Variants in N4BP2 observed in about 807,000 individuals in gnomAD.
N4BP2 encodes the protein NEDD4 binding protein 2, also known as NEDD4-binding protein 2.
In N4BP2, 91 loss-of-function variants were observed where a neutral mutation model predicts 152.8. The ratio of observed to expected loss-of-function variants is 0.60; its 90% CI spans 0.50 to 0.71. The LOEUF is 0.71. Ranked by LOEUF, N4BP2 falls within the 30% of genes least tolerant of loss-of-function variation. The pLI, the probability that N4BP2 is intolerant of heterozygous loss-of-function variation, is 0.00. For synonymous variants in N4BP2, 646 were observed against 705.3 expected, an observed-to-expected ratio of 0.92 and a Z score of 1.33; for missense variants, 1,923 against 2,059.1, an observed-to-expected ratio of 0.93 and a Z score of 1.28.
At chr4:40,096,669 G>A (rs1715133238) in intron 2 of N4BP2, among the ~76,000 whole-genome samples, 1 of 152,320 alleles carries the variant, frequency 6.6e-6, no homozygotes, top group Middle Eastern at 3.4e-3. Context: ...TCAGGCAAGA[G>A]GCTGTGGTAG....
In N4BP2 at chr4:40,121,140, A is replaced by G; in HGVS notation, c.3029A>G (p.Glu1010Gly). The G allele has an allele frequency of 1.2e-6, 2 of 1,614,166 alleles. No homozygotes were observed. The highest frequency in any genetic ancestry group is 1.7e-6 in the Non-Finnish European group (2 of 1,180,038). Residue 1010 changes from glutamate (E) to glycine (G), a missense_variant, in exon 9 of 18, where the codon GAA becomes GGA. By Grantham distance (98) the Glu-to-Gly change is moderately conservative (BLOSUM62 -2). Coordinates refer to ENST00000261435, the MANE Select transcript of N4BP2 (RefSeq NM_018177.6). ...ATGCCTAAGAGAGACCCTGGAAAAG[A>G]AGTAGGCATGTGCACCCAGACTGAA... is the stretch of plus-strand genomic sequence containing the variant. ...EQMPKRDPGK[E>G]VGMCTQTEPQ...
intron 3 of N4BP2, among the ~76,000 whole-genome samples, chr4:40,100,967 C>T (rs1262258080): frequency 6.6e-6 from 1 of 152,178 alleles, no homozygotes; most frequent in African/African-American, 2.4e-5. Context: ...TACAGGACTC[C>T]TCCCAATTTC....
chr4:40,129,092 C>G (rs533012383), intron 12 of N4BP2, among the ~76,000 whole-genome samples: 1 of 152,230 alleles, frequency 6.6e-6, no homozygotes, highest in African/African-American at 2.4e-5. Context: ...GGCTTTGTTA[C>G]AGGCTGGAGT....
At chr4:40,159,238 C>G (rs575693201), downstream of N4BP2, among the ~76,000 whole-genome samples, 8 of 152,318 alleles carry the variant, frequency 5.3e-5, no homozygotes, top group South Asian at 1.7e-3. Context: ...ACTGTTCTCT[C>G]CAGAGAGTTG....
chr4:40,181,107 G>C, the N4BP2 span, among the ~76,000 whole-genome samples: 2 of 152,136 alleles, frequency 1.3e-5, no homozygotes, highest in African/African-American at 4.8e-5. Flanking sequence ...CTGAGACCTC[G>C]CCATTGCACT....
Position 40,082,820 on chromosome 4 carries a change from C to T in N4BP2, c.-115+9269C>T, listed in dbSNP as rs999513138. Among the ~76,000 whole-genome samples, 3 of 152,140 alleles carry T rather than the reference C, an allele frequency of 2.0e-5. No homozygotes were observed. The East Asian group carries it at 5.8e-4, about 29-fold the overall frequency. On this transcript the variant is annotated intron_variant, in intron 2 of 17. Transcript: ENST00000261435. ...GGTTCACGCCATTCTCCTGCCTCAG[C>T]CTCCCGAGTAGCTGGGACTACAGGC...
At chr4:40,076,562 C>T (rs1712758584) in intron 2 of N4BP2, among the ~76,000 whole-genome samples, 1 of 152,072 alleles carries the variant, frequency 6.6e-6, no homozygotes, top group South Asian at 2.1e-4. Flanking sequence ...CATCTCGGCT[C>T]ACTGCAAGCT....
rs536370891 is a variant in N4BP2, at chr4:40,147,775, G to A, written c.5143+2975G>A. 9.5e-3 allele frequency among the ~76,000 whole-genome samples: 1,435 copies of A among 151,650 alleles called. 9 individuals are homozygous for A. The highest frequency in any genetic ancestry group is 0.016 in the Non-Finnish European group (1,075 of 67,844). On this transcript the variant is annotated intron_variant, in intron 16 of 17. Transcript: ENST00000261435. ...GAGGGGCTTCTCACTTCTCAGATGG[G>A]GCGGCTGCTGGGCGGAGGGGCTCCT...
chr4:40,121,560 T>C lies in N4BP2; in HGVS notation c.3449T>C (p.Ile1150Thr), dbSNP rs758248067. 1 of 1,614,148 alleles carries C rather than the reference T, an allele frequency of 6.2e-7. No individual in the cohort carries two copies. The highest frequency in any genetic ancestry group is 1.1e-5 in the South Asian group (1 of 91,080). ...NFQKSCDGSQ[I>T]GPFSLGLNLK... ...CAAAAATCGTGTGATGGATCACAAA[T>C]TGGGCCTTTTTCTCTGGGGTTGAAT... is the stretch of plus-strand genomic sequence containing the variant. The change falls in exon 9 of 18, where the codon ATT becomes ACT. Residue 1150 changes from isoleucine (I) to threonine (T), a missense_variant. Coordinates refer to ENST00000261435, the MANE Select transcript of N4BP2 (RefSeq NM_018177.6).
At position 40,081,219 on chromosome 4, in the gene N4BP2, A is replaced by T. The variant is rs190202478; in HGVS notation, c.-115+7668A>T. 4.7e-3 allele frequency among the ~76,000 whole-genome samples: 723 copies of T among 152,258 alleles called. 2 individuals carry two copies. The highest frequency in any genetic ancestry group is 6.7e-3 in the African/African-American group (278 of 41,558). On this transcript the variant is annotated intron_variant, in intron 2 of 17. Transcript: ENST00000261435. ...GAAAGTAGCATATAAAAAATATATT[A>T]AAAAAATCACCTATGATTCTATTAT...
Position 40,113,415 on chromosome 4 carries a change from G to A in N4BP2, c.1588-17G>A. ...GAAATACCTATTTTAAAATGTTTTT[G>A]TCTTTGTTGTATGTAGTCTCAGAAA... On this transcript the variant is annotated splice_polypyrimidine_tract_variant and intron_variant, in intron 6 of 17. Coordinates refer to ENST00000261435, the MANE Select transcript of N4BP2 (RefSeq NM_018177.6). The A allele has an allele frequency of 3.9e-6, 6 of 1,543,958 alleles. No individual in the cohort carries two copies. The South Asian group carries it at 4.6e-5, about 12-fold the overall frequency.
chr4:40,123,030 A>T (rs1031771733), intron 9 of N4BP2, 97 bp from the exon 10 acceptor site: 3 of 674,810 alleles, frequency 4.4e-6, no homozygotes, highest in Non-Finnish European at 7.9e-6. Context: ...TTAATAGTAC[A>T]AGTTAGTTTT....
At chr4:40,076,769 T>C (rs1004080334) in intron 2 of N4BP2, among the ~76,000 whole-genome samples, 3 of 152,188 alleles carry the variant, frequency 2.0e-5, no homozygotes, top group African/African-American at 4.8e-5. Context: ...ATTACAGGTG[T>C]GAGCCACCAC....
chr4:40,091,788 T>C (rs1714572078), intron 2 of N4BP2, among the ~76,000 whole-genome samples: 1 of 148,496 alleles, frequency 6.7e-6, no homozygotes, highest in South Asian at 2.1e-4. Context: ...TTAAATTTTT[T>C]TGTAGAGTTG....
intron 7 of N4BP2, among the ~76,000 whole-genome samples, chr4:40,116,655 C>G (rs962344816): frequency 1.3e-5 from 2 of 152,076 alleles, no homozygotes; most frequent in Non-Finnish European, 2.9e-5. Flanking sequence ...ACTTATTCAT[C>G]TAGTTATTGC....
At position 40,102,321 on chromosome 4, in the gene N4BP2, A is replaced by G; in HGVS notation, c.476A>G (p.Asp159Gly). Reference protein sequence around the residue: ...AFEKLNSSPDDQVYSFLPSQD... With the variant: ...AFEKLNSSPDGQVYSFLPSQD... ...GAGAAATTGAACTCTTCTCCTGATG[A>G]CCAAGTATACTCATTTTTGCCTTCA... Residue 159 changes from aspartate to glycine, a missense_variant, in exon 4 of 18, where the codon GAC becomes GGC. Coordinates refer to ENST00000261435, the MANE Select transcript of N4BP2 (RefSeq NM_018177.6). 6.2e-7 allele frequency: 1 copy of G among 1,613,434 alleles called. No homozygotes were observed. Among genetic ancestry groups the G allele is most frequent in the Non-Finnish European group, 8.5e-7 (1 of 1,179,750 alleles).
chr4:40,086,749 T>C (rs1714008348), intron 2 of N4BP2, among the ~76,000 whole-genome samples: 1 of 151,132 alleles, frequency 6.6e-6, no homozygotes, highest in Non-Finnish European at 1.5e-5. Context: ...TTAAAAAAAT[T>C]ATTTATTTAT....
the N4BP2 span, among the ~76,000 whole-genome samples, chr4:40,170,831 T>C: frequency 6.6e-6 from 1 of 152,368 alleles, no homozygotes; most frequent in Non-Finnish European, 1.5e-5. Flanking sequence ...ATGGGCCATT[T>C]AAGACAGTGC....
intron 1 of N4BP2, among the ~76,000 whole-genome samples, chr4:40,072,242 AT>A (rs34754962): frequency 0.2 from 23,541 of 117,528 alleles, 2,105 homozygotes; most frequent in East Asian, 0.46. Flanking sequence ...TGCCTGGCTA[AT>A]TTTTTTTTTT....
Sources: allele counts gnomAD v4.1 joint callset (sites outside exome capture counted in the v4.1 genomes callset), GRCh38; gene constraint gnomAD v4.1.1; transcripts MANE v1.5; gene names NCBI Gene and HGNC (gene_info 2026-07-23, HGNC 2026-07-21).